Variants in LARGE1 observed in about 807,000 individuals in gnomAD.
LARGE1 encodes LARGE xylosyl- and glucuronyltransferase 1, also known as xylosyl- and glucuronyltransferase LARGE1.
LARGE1 carries 43 observed loss-of-function variants against 87.6 expected under a neutral mutation model. That is an observed-to-expected ratio of 0.49 (90% CI 0.38 to 0.63). LARGE1 has a LOEUF of 0.63. LARGE1 is among the 30% of genes least tolerant of loss of function. The probability of loss-of-function intolerance (pLI) is 0.00; values close to 1 mark genes in which losing one functional copy is unlikely to be tolerated. For synonymous variants in LARGE1, 434 were observed against 394.6 expected (o/e 1.10, Z -1.18); for missense variants, 802 against 1,000.2 (o/e 0.80, Z 2.67).
chr22:33,384,038 G>A (rs1569114247), intron 8 of LARGE1, among the ~76,000 whole-genome samples, 154 bp downstream of exon 8: 1 of 152,240 alleles, frequency 6.6e-6, no homozygotes, highest in Non-Finnish European at 1.5e-5. Context: ...TTGAGCTGTT[G>A]TCTTAGACTG....
At chr22:33,452,157 A>G (rs927172831) in intron 6 of LARGE1, among the ~76,000 whole-genome samples, 4 of 152,258 alleles carry the variant, frequency 2.6e-5, no homozygotes, top group African/African-American at 7.2e-5. Flanking sequence ...AAACAAAACA[A>G]AACAAATTCC....
At chr22:33,771,781 T>C (rs1338539583) in intron 1 of LARGE1, among the ~76,000 whole-genome samples, 1 of 152,078 alleles carries the variant, frequency 6.6e-6, no homozygotes, top group Non-Finnish European at 1.5e-5. Flanking sequence ...GATTTCCTCC[T>C]CCAAACCTGC....
intron 2 of LARGE1, among the ~76,000 whole-genome samples, chr22:33,709,979 G>GAAA (rs5845106): frequency 1.2e-4 from 11 of 88,794 alleles, no homozygotes; most frequent in Middle Eastern, 7.9e-3. Context: ...TTGCTAGGCA[G>GAAA]AAAAAAAAAA....
chr22:33,751,770 TTC>T (rs2084325650), intron 2 of LARGE1, among the ~76,000 whole-genome samples: 1 of 151,606 alleles, frequency 6.6e-6, no homozygotes, highest in Non-Finnish European at 1.5e-5. Context: ...CGTGCCACTA[TTC>T]TTTTTTTTTT....
chr22:33,437,799 G>T (rs1465219597), intron 6 of LARGE1, among the ~76,000 whole-genome samples: 1 of 152,154 alleles, frequency 6.6e-6, no homozygotes, highest in Non-Finnish European at 1.5e-5. Context: ...TTGCCCTGGG[G>T]GCAGCTAGAA....
intron 1 of LARGE1, 79 bp from the exon 2 acceptor site, chr22:33,761,637 T>C (rs761479764): frequency 2.6e-5 from 18 of 687,696 alleles, no homozygotes; most frequent in Non-Finnish European, 4.0e-5. Flanking sequence ...AAATATCTCA[T>C]AGATCCTGAA....
chr22:33,883,496 C>T (rs1383092143), intron 1 of LARGE1, among the ~76,000 whole-genome samples: 2 of 152,210 alleles, frequency 1.3e-5, no homozygotes, highest in South Asian at 2.1e-4. Context: ...CAATGCACAA[C>T]CAAGAAGTAG....
intron 2 of LARGE1, among the ~76,000 whole-genome samples, chr22:33,700,712 G>C (rs112813341): frequency 6.6e-6 from 1 of 152,066 alleles, no homozygotes; most frequent in Non-Finnish European, 1.5e-5. Flanking sequence ...AGAGTGAGTA[G>C]GAAACCCATA....
chr22:33,160,259 A>T (rs1045496752), downstream of LARGE1, among the ~76,000 whole-genome samples: 8 of 151,984 alleles, frequency 5.3e-5, no homozygotes, highest in Non-Finnish European at 1.0e-4. Flanking sequence ...TTTTGTTTGG[A>T]CTTTGTGTGT....
intron 12 of LARGE1, among the ~76,000 whole-genome samples, chr22:33,294,497 T>C (rs1212279496): frequency 6.6e-6 from 1 of 152,194 alleles, no homozygotes; most frequent in African/African-American, 2.4e-5. Context: ...GGAGTGTGCA[T>C]CTGTTTCAGA....
At chr22:33,901,936 A>G (rs1193061304) in intron 1 of LARGE1, among the ~76,000 whole-genome samples, 2 of 152,210 alleles carry the variant, frequency 1.3e-5, no homozygotes, top group African/African-American at 4.8e-5. Flanking sequence ...CCTACTCCCC[A>G]CATCTTTTTG....
At chr22:33,865,576 T>C (rs2064068866) in intron 1 of LARGE1, among the ~76,000 whole-genome samples, 1 of 152,146 alleles carries the variant, frequency 6.6e-6, no homozygotes, top group African/African-American at 2.4e-5. Context: ...AATGAGATCC[T>C]TTCCATGGTG....
intron 11 of LARGE1, among the ~76,000 whole-genome samples, chr22:33,261,344 T>A (rs117099238): frequency 0.015 from 2,356 of 152,248 alleles, 32 homozygotes; most frequent in Middle Eastern, 0.037. Flanking sequence ...CAGAGAGCAA[T>A]GAGAATGGAG....
intron 7 of LARGE1, among the ~76,000 whole-genome samples, chr22:33,415,620 T>G (rs1031019454): frequency 1.3e-5 from 2 of 152,142 alleles, no homozygotes; most frequent in East Asian, 3.9e-4. Flanking sequence ...CCAAGTCTCA[T>G]AGGAGGGGGC....
At chr22:33,722,721 G>C (rs1164902888) in intron 2 of LARGE1, among the ~76,000 whole-genome samples, 1 of 152,152 alleles carries the variant, frequency 6.6e-6, no homozygotes, top group Non-Finnish European at 1.5e-5. Flanking sequence ...TGATAAGACA[G>C]AATGGAAGAA....
At chr22:33,564,795 G>T in intron 6 of LARGE1, 53 bp downstream of exon 6, 1 of 1,590,556 alleles carries the variant, frequency 6.3e-7, no homozygotes, top group Non-Finnish European at 8.6e-7. Flanking sequence ...CCTATTCTTG[G>T]CATGCTGATA....
the LARGE1 span, among the ~76,000 whole-genome samples, chr22:33,096,846 T>TG: frequency 6.6e-6 from 1 of 152,148 alleles, no homozygotes; most frequent in Non-Finnish European, 1.5e-5. Context: ...ATTACAGGCG[T>TG]GAGCCACCGC....
At chr22:33,350,013 T>C (rs1056312433) in intron 9 of LARGE1, among the ~76,000 whole-genome samples, 4 of 152,224 alleles carry the variant, frequency 2.6e-5, no homozygotes, top group Non-Finnish European at 5.9e-5. Context: ...CTATCATTGC[T>C]TATTCTGTTC....
the LARGE1 span, among the ~76,000 whole-genome samples, chr22:33,094,431 C>A: frequency 1.1e-4 from 17 of 152,146 alleles, no homozygotes; most frequent in Non-Finnish European, 2.5e-4. Flanking sequence ...GATCCACTCT[C>A]GTCTCAGCTA....
Sources: allele counts gnomAD v4.1 joint callset (sites outside exome capture counted in the v4.1 genomes callset), GRCh38; gene constraint gnomAD v4.1.1; transcripts MANE v1.5; gene names NCBI Gene and HGNC (gene_info 2026-07-23, HGNC 2026-07-21).